MUC5AC: variants seen among roughly 807,000 people sequenced by gnomAD.
MUC5AC encodes the protein mucin-5AC.
A neutral mutation model predicts 169.7 loss-of-function variants in MUC5AC; 158 were observed. That is an observed-to-expected ratio of 0.93 (90% confidence interval 0.82 to 1.06). MUC5AC has a LOEUF of 1.06. Ranked by LOEUF, MUC5AC falls within the 50% of genes least tolerant of loss-of-function variation. The pLI is 0.00. For synonymous variants in MUC5AC, 1,975 were observed against 1,237.0 expected (o/e 1.60, Z -12.52); for missense variants, 4,359 against 3,089.9 (o/e 1.41, Z -9.74).
chr11:1,160,849 C>T (rs985367354), intron 2 of MUC5AC, among the ~76,000 whole-genome samples, 160 bp downstream of exon 2: 1 of 152,236 alleles, frequency 6.6e-6, no homozygotes, highest in African/African-American at 2.4e-5. Flanking sequence ...ATCCATGGCC[C>T]TGGTCGGTCA....
chr11:1,195,132 G>A lies in MUC5AC; in HGVS notation c.15311G>A (p.Arg5104Gln), dbSNP rs760893995. The A allele has an allele frequency of 5.2e-6, 4 of 762,248 alleles. No homozygotes were observed. The highest frequency in any genetic ancestry group is 9.6e-6 in the Non-Finnish European group (4 of 416,984). 47.2% of individuals were successfully genotyped at this position (762,248 alleles called of 1,614,324 possible). A position where few individuals can be genotyped will look rare whatever the true frequency, so the allele number is the denominator to read the frequency against. ...ATACCCGACCAGCCAGCCTGCCACC[G>A]GCCTCACCCGACGCCCACCACGGTC... ...VSIPDQPACHRPHPTPTTVGP... is the reference protein window; with the variant it reads ...VSIPDQPACHQPHPTPTTVGP... Residue 5104 changes from arginine (R) to glutamine (Q), a missense_variant, in exon 36 of 49, where the codon CGG becomes CAG. Arg to Gln is a conservative substitution (Grantham distance 43). Coordinates refer to ENST00000621226, the MANE Select transcript of MUC5AC (RefSeq NM_001304359.2).
chr11:1,184,732 A>T lies in MUC5AC; in HGVS notation c.6587A>T (p.Asp2196Val). The T allele has an allele frequency of 1.6e-6, 1 of 630,942 alleles. No homozygotes were observed. The highest frequency in any genetic ancestry group is 2.8e-6 in the Non-Finnish European group (1 of 351,914). 39.1% of individuals were successfully genotyped at this position (630,942 alleles called of 1,614,324 possible). ...REEGLVCRNQ[D>V]QQGPFKMCLN... ...GAGGGCCTGGTGTGCCGGAACCAGG[A>T]CCAGCAGGGACCCTTCAAGATGTGC... Residue 2196 changes from aspartate to valine, a missense_variant, in exon 31 of 49, where the codon GAC becomes GTC. By Grantham distance (152) the Asp-to-Val change is radical (BLOSUM62 -3). Transcript: ENST00000621226.
chr11:1,172,772 G>T (rs1014578315), intron 16 of MUC5AC, among the ~76,000 whole-genome samples: 1 of 135,692 alleles, frequency 7.4e-6, no homozygotes, highest in South Asian at 2.6e-4. Flanking sequence ...TCACTCACCC[G>T]TTCACCCATT....
chr11:1,164,138 G>A lies in MUC5AC; in HGVS notation c.822G>A (p.Leu274=). Residue 274 remains leucine (L), a synonymous_variant, in exon 8 of 49, where the codon CTG becomes CTA. Coordinates refer to ENST00000621226, the MANE Select transcript of MUC5AC (RefSeq NM_001304359.2). ...GTGAGGAGCTCCTGCACGGCCAGCT[G>A]TTCTCTGGCTGCGTGGCCCTGGTGG... The part of the protein sequence containing the change: ...GICEELLHGQ[L]FSGCVALVDV... 1 of 1,612,358 alleles carries A rather than the reference G, an allele frequency of 6.2e-7. No homozygotes were observed. Among genetic ancestry groups the A allele is most frequent in the African/African-American group, 1.3e-5 (1 of 75,052 alleles).
rs1413932316 is a variant in MUC5AC, at chr11:1,180,447, G to A, written c.3707G>A (p.Arg1236Gln). The A allele has an allele frequency of 1.0e-5, 4 of 398,792 alleles. No homozygotes were observed. The highest frequency in any genetic ancestry group is 3.6e-5 in the East Asian group (1 of 28,102). 24.7% of individuals were successfully genotyped at this position (398,792 alleles called of 1,614,324 possible). A position where few individuals can be genotyped will look rare whatever the true frequency, so the allele number is the denominator to read the frequency against. ...TGCCCAACCCCGCCTCTGCCACCAC[G>A]GTGCCACGTCCATGGGAAGTCCTAC... ...ATCPTPPLPP[R>Q]CHVHGKSYRP... is the part of the protein sequence containing the mutation. The change falls in exon 28 of 49, where the codon CGG becomes CAG. Residue 1236 changes from arginine to glutamine, a missense_variant. Coordinates refer to ENST00000621226, the MANE Select transcript of MUC5AC (RefSeq NM_001304359.2).
rs1405572394 is a variant in MUC5AC at position 1,183,916 on chromosome 11, C to T, written c.5771C>T (p.Ser1924Leu). ...SPPPVPATST[S>L]SMSTTAPGTS... Reference sequence around the variant, plus strand: ...CCGCCAGTGCCGGCAACATCAACATCATCCATGTCGACCACGGCCCCGGGG... The same window carrying T: ...CCGCCAGTGCCGGCAACATCAACATTATCCATGTCGACCACGGCCCCGGGG... Residue 1924 changes from serine (S) to leucine (L), a missense_variant, in exon 31 of 49, where the codon TCA becomes TTA. Physicochemically the swap from Ser to Leu is moderately radical, Grantham distance 145. Coordinates refer to ENST00000621226, the MANE Select transcript of MUC5AC (RefSeq NM_001304359.2). The T allele has an allele frequency of 5.0e-6, 2 of 400,176 alleles. No homozygotes were observed. Among genetic ancestry groups the T allele is most frequent in the Admixed American group, 4.4e-5 (1 of 22,752 alleles). The allele number at this position is 400,176 out of a possible 1,614,324, so 24.8% of individuals were successfully genotyped here.
At position 1,190,052 on chromosome 11, in the gene MUC5AC, C is replaced by T; in HGVS notation, c.11907C>T (p.Ser3969=). 1.3e-6 allele frequency: 1 copy of T among 764,860 alleles called. No individual in the cohort carries two copies. Among genetic ancestry groups the T allele is most frequent in the Non-Finnish European group, 2.4e-6 (1 of 417,714 alleles). The allele number at this position is 764,860 out of a possible 1,614,324, so 47.4% of individuals were successfully genotyped here. A position where few individuals can be genotyped will look rare whatever the true frequency, so the allele number is the denominator to read the frequency against. ...WTKWFDVDFP[S]PGPHGGDKET... is the part of the protein sequence containing the mutation. ...AGTGGTTTGACGTGGACTTTCCATC[C>T]CCTGGACCCCACGGTGGGGACAAGG... Residue 3969 remains serine, a synonymous_variant, in exon 31 of 49, where the codon TCC becomes TCT. Coordinates refer to ENST00000621226, the MANE Select transcript of MUC5AC (RefSeq NM_001304359.2).
chr11:1,196,089 G>C (rs781088656), intron 37 of MUC5AC, 35 bp downstream of exon 37: 2 of 747,370 alleles, frequency 2.7e-6, no homozygotes, highest in South Asian at 2.8e-5. Flanking sequence ...GTCCCAAGTC[G>C]CTTGTGAGGG....
rs77731342 is a variant in MUC5AC at position 1,191,906 on chromosome 11, T to C, written c.13761T>C (p.Ser4587=). The C allele has an allele frequency of 3.9e-6, 3 of 764,868 alleles. No individual in the cohort carries two copies. The highest frequency in any genetic ancestry group is 7.2e-6 in the Non-Finnish European group (3 of 417,770). 47.4% of individuals were successfully genotyped at this position (764,868 alleles called of 1,614,324 possible). ...TTSAPTTSTT[S]GPGTTPSPVP... ...CTGCTCCTACAACCAGCACGACCTC[T>C]GGTCCTGGAACTACTCCCAGCCCCG... The change falls in exon 31 of 49, where the codon TCT becomes TCC. Residue 4587 remains serine, a synonymous_variant. Transcript: ENST00000621226.
chr11:1,176,649 G>A lies in MUC5AC; in HGVS notation c.2638G>A (p.Val880Met). 2.5e-6 allele frequency: 1 copy of A among 398,702 alleles called. No individual in the cohort carries two copies. 24.7% of individuals were successfully genotyped at this position (398,702 alleles called of 1,614,324 possible). A position where few individuals can be genotyped will look rare whatever the true frequency, so the allele number is the denominator to read the frequency against. ...CTACCGGGCCGGCCAGACCATCCGGGTGGGCTGCAACACCTGGTATGCCGG... is the reference window on the plus strand; with the variant it reads ...CTACCGGGCCGGCCAGACCATCCGGATGGGCTGCAACACCTGGTATGCCGG... ...ASYRAGQTIRVGCNTCTCDSR... is the reference protein window; with the variant it reads ...ASYRAGQTIRMGCNTCTCDSR... Residue 880 changes from valine (V) to methionine (M), a missense_variant, in exon 21 of 49, where the codon GTG becomes ATG. Coordinates refer to ENST00000621226, the MANE Select transcript of MUC5AC (RefSeq NM_001304359.2).
intron 1 of MUC5AC, 44 bp from the exon 2 acceptor site, chr11:1,160,568 C>T: frequency 1.3e-6 from 2 of 1,552,740 alleles, no homozygotes; most frequent in African/African-American, 1.4e-5. Flanking sequence ...TGAGCCCCCT[C>T]AGCCACCCTG....
intron 32 of MUC5AC, 108 bp from the exon 33 acceptor site, chr11:1,193,377 A>C (rs1590150613): frequency 1.6e-6 from 1 of 623,382 alleles, no homozygotes; most frequent in Admixed American, 2.4e-5. Context: ...GGGCACAGCC[A>C]CCCTCCCCTG....
intron 21 of MUC5AC, 43 bp from the exon 22 acceptor site, chr11:1,176,885 G>A: frequency 2.5e-6 from 1 of 398,630 alleles, no homozygotes; most frequent in Non-Finnish European, 4.4e-6. Flanking sequence ...AGTCAGGCAG[G>A]CACCCTGTGT....
chr11:1,190,866 A>G lies in MUC5AC; in HGVS notation c.12721A>G (p.Thr4241Ala), dbSNP rs1861073240. ...TSTTSASTTS[T>A]TSAPTTSTTS... is the part of the protein sequence containing the mutation. ...CACAACCTCTGCCTCTACAACCAGC[A>G]CAACTTCTGCTCCTACAACCAGCAC... Residue 4241 changes from threonine to alanine, a missense_variant, in exon 31 of 49, where the codon ACA becomes GCA. Thr to Ala is a moderately conservative substitution (Grantham distance 58). Coordinates refer to ENST00000621226, the MANE Select transcript of MUC5AC (RefSeq NM_001304359.2). 2.7e-5 allele frequency: 20 copies of G among 742,544 alleles called. No homozygotes were observed. Among genetic ancestry groups the G allele is most frequent in the Middle Eastern group, 2.3e-4 (1 of 4,398 alleles). 46.0% of individuals were successfully genotyped at this position (742,544 alleles called of 1,614,324 possible).
At chr11:1,163,133 C>A (rs36021067) in intron 6 of MUC5AC, 88 bp downstream of exon 6, 209,789 of 1,200,378 alleles carry the variant, frequency 0.17, 19,755 homozygotes, top group Non-Finnish European at 0.2. Context: ...ACACTCCGGG[C>A]ACACACATGC....
In MUC5AC at chr11:1,186,433, G is replaced by A; in HGVS notation, c.8288G>A (p.Ser2763Asn). Residue 2763 changes from serine to asparagine, a missense_variant, in exon 31 of 49, where the codon AGC (serine) becomes AAC (asparagine). Ser to Asn is a conservative substitution (Grantham distance 46, BLOSUM62 1). Transcript: ENST00000621226. ...AGCACAATCTCTGCCTCTACCACCA[G>A]CACAACCTCTGCGACTACAACCAGC... ...TTSTISASTT[S>N]TTSATTTSTT... The A allele has an allele frequency of 2.8e-6, 2 of 702,026 alleles. No homozygotes were observed. The highest frequency in any genetic ancestry group is 1.5e-5 in the South Asian group (1 of 67,392). 43.5% of individuals were successfully genotyped at this position (702,026 alleles called of 1,614,324 possible).
At chr11:1,173,216 A>T (rs1860590973) in intron 16 of MUC5AC, among the ~76,000 whole-genome samples, 2 of 151,040 alleles carry the variant, frequency 1.3e-5, no homozygotes, top group African/African-American at 4.9e-5. Context: ...TTACTCACTC[A>T]TTCACGAATT....
chr11:1,196,402 G>T lies in MUC5AC; in HGVS notation c.15652G>T (p.Ala5218Ser), dbSNP rs1861273895. 1.3e-6 allele frequency: 1 copy of T among 764,822 alleles called. No individual in the cohort carries two copies. Among genetic ancestry groups the T allele is most frequent in the Non-Finnish European group, 2.4e-6 (1 of 417,788 alleles). 47.4% of individuals were successfully genotyped at this position (764,822 alleles called of 1,614,324 possible). A position where few individuals can be genotyped will look rare whatever the true frequency, so the allele number is the denominator to read the frequency against. The change falls in exon 38 of 49, where the codon GCC (alanine) becomes TCC (serine). Residue 5218 changes from alanine (A) to serine (S), a missense_variant. By Grantham distance (99) the Ala-to-Ser change is moderately conservative. Coordinates refer to ENST00000621226, the MANE Select transcript of MUC5AC (RefSeq NM_001304359.2). ...CCTCCCCACAGCATTCACCTGCCCA[G>T]CCGACAAGGTGTACCAGCCCTGCGG... Reference protein sequence around the residue: ...TGHMCPFTCPADKVYQPCGPS... With the variant: ...TGHMCPFTCPSDKVYQPCGPS...
chr11:1,163,936 C>G lies in MUC5AC; in HGVS notation c.734C>G (p.Thr245Arg). 1 of 1,611,536 alleles carries G rather than the reference C, an allele frequency of 6.2e-7. No individual in the cohort carries two copies. ...FGNLQKMDDPTDQCQDPVPEP... is the reference protein window; with the variant it reads ...FGNLQKMDDPRDQCQDPVPEP... Reference sequence around the variant, plus strand: ...AACCTGCAGAAGATGGACGACCCCACGGACCAGTGTCAGGACCCTGTCCCT... The same window carrying G: ...AACCTGCAGAAGATGGACGACCCCAGGGACCAGTGTCAGGACCCTGTCCCT... The change falls in exon 7 of 49, where the codon ACG becomes AGG. Residue 245 changes from threonine to arginine, a missense_variant. Transcript: ENST00000621226.
Sources: gnomAD v4.1 joint callset for allele counts (sites outside exome capture counted in the v4.1 genomes callset) on GRCh38, gnomAD v4.1.1 for gene constraint, MANE v1.5 for transcripts, NCBI Gene and HGNC (gene_info 2026-07-23, HGNC 2026-07-21) for gene names.